Variants in TSGA10 observed in about 807,000 individuals in gnomAD.
TSGA10 encodes the protein testis specific 10.
TSGA10 carries 43 observed loss-of-function variants against 96.6 expected under a neutral mutation model. The ratio of observed to expected loss-of-function variants is 0.44; its 90% CI spans 0.35 to 0.57. TSGA10 has a LOEUF of 0.57. Among genes scored for constraint, TSGA10 ranks in the 20% least tolerant of loss-of-function variants. TSGA10 has a pLI of 0.01. For synonymous variants in TSGA10, 229 were observed against 269.9 expected, an observed-to-expected ratio of 0.85 and a Z score of 1.48; for missense variants, 703 against 834.4, an observed-to-expected ratio of 0.84 and a Z score of 1.94.
At chr2:99,130,540 G>T (rs1216683180) in intron 1 of TSGA10, among the ~76,000 whole-genome samples, 6 of 151,914 alleles carry the variant, frequency 3.9e-5, no homozygotes, top group Non-Finnish European at 7.4e-5. Context: ...TTGTCAGATG[G>T]GTAGATTGCA....
chr2:99,058,087 C>G (rs188840967), intron 16 of TSGA10, among the ~76,000 whole-genome samples: 3 of 152,014 alleles, frequency 2.0e-5, no homozygotes, highest in Non-Finnish European at 4.4e-5. Flanking sequence ...TTACTTCATA[C>G]CATGTGAAAA....
chr2:99,132,843 G>A (rs2093157010), intron 1 of TSGA10, among the ~76,000 whole-genome samples: 1 of 152,068 alleles, frequency 6.6e-6, no homozygotes, highest in Non-Finnish European at 1.5e-5. Flanking sequence ...ACTTAATTCT[G>A]CCTTAATTTC....
intron 12 of TSGA10, among the ~76,000 whole-genome samples, chr2:99,074,993 A>G (rs528302169): frequency 6.6e-6 from 1 of 152,196 alleles, no homozygotes; most frequent in African/African-American, 2.4e-5. Context: ...ACCTTAAAAT[A>G]TGTTTGATAA....
At chr2:99,027,723 T>C (rs370810933) in intron 17 of TSGA10, among the ~76,000 whole-genome samples, 20 of 152,242 alleles carry the variant, frequency 1.3e-4, no homozygotes, top group African/African-American at 4.1e-4. Context: ...AAAGAAGGCC[T>C]AATAACAATG....
intron 10 of TSGA10, among the ~76,000 whole-genome samples, chr2:99,091,998 A>C (rs1474500699): frequency 6.6e-6 from 1 of 152,168 alleles, no homozygotes; most frequent in Non-Finnish European, 1.5e-5. Context: ...TCATTAGCAC[A>C]TGGAATGTTC....
At chr2:99,124,936 CTT>C (rs2092752003) in intron 2 of TSGA10, 1 of 152,166 alleles carries the variant, frequency 6.6e-6, no homozygotes, top group South Asian at 2.1e-4. Flanking sequence ...AGGGTTCACT[CTT>C]GGCGTTATTC....
In TSGA10 at chr2:99,072,921, C is replaced by G; in HGVS notation, c.938+97G>C. On this transcript the variant is annotated intron_variant, in intron 13 of 20. Coordinates refer to ENST00000393483, the MANE Select transcript of TSGA10 (RefSeq NM_025244.4). ...TTGATGAGAGAGTTAGCACCTTACACGTATCATTAAGCCCCTTGTTTCTTA... is the reference window on the plus strand; with the variant it reads ...TTGATGAGAGAGTTAGCACCTTACAGGTATCATTAAGCCCCTTGTTTCTTA... 4.9e-6 allele frequency: 4 copies of G among 817,608 alleles called. No individual in the cohort carries two copies. In the East Asian group the frequency reaches 9.9e-5, roughly 20 times the overall value. The allele number at this position is 817,608 out of a possible 1,614,324, so 50.6% of individuals were successfully genotyped here.
rs1020991124 is a variant in TSGA10, at chr2:99,118,635, C to A, written c.-440G>T. On this transcript the variant is annotated 5_prime_UTR_variant, in exon 3 of 21. Transcript: ENST00000393483. ...CTTTCCTTCCCAGCCCACTATCAAA[C>A]CATCAATGGATGAAGAAAAGGGCCT... The A allele has an allele frequency of 1.0e-6, 1 of 984,756 alleles. No individual in the cohort carries two copies. Among genetic ancestry groups the A allele is most frequent in the Admixed American group, 6.2e-5 (1 of 16,200 alleles). The allele number at this position is 984,756 out of a possible 1,614,324, so 61.0% of individuals were successfully genotyped here. A position where few individuals can be genotyped will look rare whatever the true frequency, so the allele number is the denominator to read the frequency against.
At chr2:99,069,980 A>AT (rs112090202) in intron 14 of TSGA10, among the ~76,000 whole-genome samples, 25 of 152,062 alleles carry the variant, frequency 1.6e-4, no homozygotes, top group African/African-American at 5.3e-4. Flanking sequence ...TCAAGGATAA[A>AT]TTTTTTTTAA....
intron 16 of TSGA10, among the ~76,000 whole-genome samples, chr2:99,059,432 C>T (rs536661907): frequency 1.3e-5 from 2 of 151,408 alleles, no homozygotes; most frequent in South Asian, 4.2e-4. Context: ...GTCAGGAGTT[C>T]GAGACCAGTC....
rs1398178097 is a variant in TSGA10 at position 99,088,298 on chromosome 2, AATTAGTTATTGTTGTTATATTTTATT to A, written c.612-6927_612-6902del. Among the ~76,000 whole-genome samples, 8 of 152,298 alleles carry A rather than the reference AATTAGTTATTGTTGTTATATTTTATT, an allele frequency of 5.3e-5. No homozygotes were observed. The South Asian group carries it at 1.4e-3, about 28-fold the overall frequency. On this transcript the variant is annotated intron_variant, in intron 10 of 20. Coordinates refer to ENST00000393483, the MANE Select transcript of TSGA10 (RefSeq NM_025244.4). ...CATGACTTTTACAATATGTGGTTAT[AATTAGTTATTGTTGTTATATTTTATT>A]ATTAGTTATTGTTGTTAATCTCTTA...
At chr2:99,060,860 C>G (rs1423115758) in intron 16 of TSGA10, among the ~76,000 whole-genome samples, 1 of 152,058 alleles carries the variant, frequency 6.6e-6, no homozygotes, top group Admixed American at 6.5e-5. Context: ...GTGCTGGATA[C>G]CTTCATATCT....
chr2:99,134,897 C>A (rs1331710706), intron 1 of TSGA10, among the ~76,000 whole-genome samples: 1 of 152,196 alleles, frequency 6.6e-6, no homozygotes, highest in Admixed American at 6.5e-5. Context: ...CCCTGTTTGC[C>A]TGAGTATCAC....
Position 99,085,609 on chromosome 2 carries a change from TA to T in TSGA10, c.612-4213del, listed in dbSNP as rs200309936. On this transcript the variant is annotated intron_variant, in intron 10 of 20. Coordinates refer to ENST00000393483, the MANE Select transcript of TSGA10 (RefSeq NM_025244.4). Reference sequence around the variant, plus strand: ...GGGCAACAGAGGGCAATCCTGTCTTTAAAAAAAAAAAAAAAAAAAAAAAAAG... The same window carrying T: ...GGGCAACAGAGGGCAATCCTGTCTTTAAAAAAAAAAAAAAAAAAAAAAAAG... 3.2e-3 allele frequency among the ~76,000 whole-genome samples: 169 copies of T among 52,468 alleles called. 1 individual carries two copies. The highest frequency in any genetic ancestry group is 0.017 in the South Asian group (27 of 1,548). 34.4% of individuals were successfully genotyped at this position (52,468 alleles called of 152,430 possible). A position where few individuals can be genotyped will look rare whatever the true frequency, so the allele number is the denominator to read the frequency against.
At chr2:99,074,959 A>G (rs2086514178) in intron 12 of TSGA10, among the ~76,000 whole-genome samples, 1 of 152,148 alleles carries the variant, frequency 6.6e-6, no homozygotes, top group Non-Finnish European at 1.5e-5. Flanking sequence ...GTCTCAAAAA[A>G]AAAAAAAAGT....
At chr2:99,136,517 G>GACTTCTACTT (rs2093331901) in intron 1 of TSGA10, among the ~76,000 whole-genome samples, 2 of 108,070 alleles carry the variant, frequency 1.9e-5, no homozygotes, top group Admixed American at 9.5e-5. Context: ...AAGTATTTCT[G>GACTTCTACTT]CCGGGCGCGG....
intron 1 of TSGA10, among the ~76,000 whole-genome samples, chr2:99,151,909 G>A (rs1266300077): frequency 6.6e-6 from 1 of 152,136 alleles, no homozygotes; most frequent in African/African-American, 2.4e-5. Flanking sequence ...AGAGGAAAGG[G>A]CATCTTTTCC....
chr2:99,022,965 A>G (rs1375031280), intron 17 of TSGA10, among the ~76,000 whole-genome samples: 1 of 152,118 alleles, frequency 6.6e-6, no homozygotes, highest in Non-Finnish European at 1.5e-5. Flanking sequence ...CCATTTATGT[A>G]TCTTATGTAG....
At chr2:99,090,847 A>AT (rs2089240360) in intron 10 of TSGA10, among the ~76,000 whole-genome samples, 2 of 152,226 alleles carry the variant, frequency 1.3e-5, no homozygotes, top group Admixed American at 1.3e-4. Flanking sequence ...TGGGAAACGT[A>AT]TTTGGGGGAA....
Sources: gnomAD v4.1 joint callset for allele counts (sites outside exome capture counted in the v4.1 genomes callset) on GRCh38, gnomAD v4.1.1 for gene constraint, MANE v1.5 for transcripts, NCBI Gene and HGNC (gene_info 2026-07-23, HGNC 2026-07-21) for gene names.